Variants in ULK2 observed in about 807,000 individuals in gnomAD.
The protein encoded by ULK2 is unc-51 like autophagy activating kinase 2.
Under a neutral mutation model 127.5 loss-of-function variants are expected in ULK2, and 76 were observed. The ratio of observed to expected loss-of-function variants is 0.60; its 90% CI spans 0.50 to 0.72. The LOEUF (loss-of-function observed/expected upper bound fraction) is 0.72, where lower values mean the gene tolerates loss of function less well. Among genes scored for constraint, ULK2 ranks in the 30% least tolerant of loss-of-function variants. The pLI, the probability that ULK2 is intolerant of heterozygous loss-of-function variation, is 0.00. For missense variants in ULK2, 1,144 were observed against 1,295.9 expected (o/e 0.88, Z 1.80); for synonymous variants, 452 against 461.9 (o/e 0.98, Z 0.28).
At chr17:19,863,678 G>A (rs3101810) in intron 3 of ULK2, among the ~76,000 whole-genome samples, 10,765 of 151,788 alleles carry the variant, frequency 0.071, 773 homozygotes, top group East Asian at 0.39. Flanking sequence ...TCTTGCATTT[G>A]AAGGATTTTT....
intron 20 of ULK2, among the ~76,000 whole-genome samples, chr17:19,791,482 C>A (rs1164752604): frequency 6.6e-6 from 1 of 152,054 alleles, no homozygotes; most frequent in Non-Finnish European, 1.5e-5. Context: ...GCCAGGAGTT[C>A]CAGACCAGCC....
At chr17:19,865,390 C>G (rs954431136) in intron 2 of ULK2, among the ~76,000 whole-genome samples, 2 of 152,168 alleles carry the variant, frequency 1.3e-5, no homozygotes, top group Admixed American at 6.6e-5. Flanking sequence ...ACCCCTACTC[C>G]CCCCAAAAAA....
chr17:19,819,450 A>C (rs1460031828), intron 12 of ULK2, among the ~76,000 whole-genome samples: 1 of 152,140 alleles, frequency 6.6e-6, no homozygotes, highest in Non-Finnish European at 1.5e-5. Flanking sequence ...AGAGTTCCCC[A>C]TGAGCCACCC....
intron 3 of ULK2, chr17:19,855,788 G>C (rs1274211618): frequency 1.3e-5 from 2 of 152,210 alleles, no homozygotes; most frequent in Non-Finnish European, 2.9e-5. Context: ...TCACTAATCT[G>C]TCCAGGCCTC....
At chr17:19,853,955 C>A (rs990578046) in intron 3 of ULK2, among the ~76,000 whole-genome samples, 3 of 152,114 alleles carry the variant, frequency 2.0e-5, no homozygotes, top group Non-Finnish European at 2.9e-5. Context: ...TGATTGACAC[C>A]ACAGCAAATC....
chr17:19,800,244 C>T (rs1463560623), intron 16 of ULK2, among the ~76,000 whole-genome samples: 1 of 152,174 alleles, frequency 6.6e-6, no homozygotes. Flanking sequence ...AGAAGTTTCC[C>T]CAAGTCACTC....
intron 14 of ULK2, among the ~76,000 whole-genome samples, chr17:19,809,577 C>T (rs1407213584): frequency 1.3e-5 from 2 of 151,286 alleles, no homozygotes; most frequent in Non-Finnish European, 3.0e-5. Flanking sequence ...ACTAAAGATA[C>T]AAAAAATTAG....
intron 3 of ULK2, among the ~76,000 whole-genome samples, chr17:19,864,054 C>T (rs2042301818): frequency 6.6e-6 from 1 of 152,132 alleles, no homozygotes; most frequent in African/African-American, 2.4e-5. Flanking sequence ...CATCTGTAAT[C>T]CCAGCACTTT....
At position 19,867,928 on chromosome 17, in the gene ULK2, C is replaced by A. The variant is rs2042392887; in HGVS notation, c.-511G>T. 6.6e-6 allele frequency: 1 copy of A among 151,700 alleles called. No individual in the cohort carries two copies. Among genetic ancestry groups the A allele is most frequent in the Admixed American group, 6.6e-5 (1 of 15,236 alleles). The allele number at this position is 151,700 out of a possible 1,614,324, so 9.4% of individuals were successfully genotyped here. On this transcript the variant is annotated 5_prime_UTR_variant, in exon 1 of 27. Transcript: ENST00000395544. ...CGCCCTCGCGCGCGCTACCCGCTCC[C>A]GCGCGACTGGCTGCCCTCCGCGACG...
intron 10 of ULK2, among the ~76,000 whole-genome samples, chr17:19,829,244 C>T (rs1482641751): frequency 6.6e-6 from 1 of 151,896 alleles, no homozygotes; most frequent in Admixed American, 6.6e-5. Context: ...ACAAAAAGTA[C>T]GTTAAATAAG....
intron 10 of ULK2, among the ~76,000 whole-genome samples, chr17:19,827,836 G>T (rs1212044214): frequency 1.3e-5 from 2 of 151,962 alleles, no homozygotes. Flanking sequence ...CTTGAACCCG[G>T]AAGGTGGAGG....
chr17:19,776,368 T>C lies in ULK2; in HGVS notation c.3092A>G (p.His1031Arg), dbSNP rs770341517. 3.7e-6 allele frequency: 6 copies of C among 1,606,240 alleles called. No individual in the cohort carries two copies. Among genetic ancestry groups the C allele is most frequent in the Non-Finnish European group, 5.1e-6 (6 of 1,176,614 alleles). Residue 1031 changes from histidine (H) to arginine (R), a missense_variant, in exon 27 of 27, where the codon CAT becomes CGT. Transcript: ENST00000395544. ...SIERRLSALC[H>R]STATV ...TGCTGCTCACACGGTTGCGGTGCTA[T>C]GGCAGAGCGCCGACAGTCTTCTCTC... is the stretch of plus-strand genomic sequence containing the variant.
intron 17 of ULK2, among the ~76,000 whole-genome samples, chr17:19,798,931 G>A (rs940705138): frequency 2.0e-5 from 3 of 152,046 alleles, no homozygotes; most frequent in African/African-American, 4.8e-5. Flanking sequence ...GGGAGGCCGA[G>A]GCGGGTGTAT....
chr17:19,867,442 G>T lies in ULK2; in HGVS notation c.-25C>A. The T allele has an allele frequency of 6.3e-7, 1 of 1,579,230 alleles. No individual in the cohort carries two copies. Among genetic ancestry groups the T allele is most frequent in the Non-Finnish European group, 8.6e-7 (1 of 1,164,372 alleles). ...TGGCCGCGCCCCCGGGGCACACAGC[G>T]GACGGGCGGGCGGCGCAGTGCGGCG... On this transcript the variant is annotated 5_prime_UTR_variant, in exon 1 of 27. Transcript: ENST00000395544.
intron 20 of ULK2, among the ~76,000 whole-genome samples, chr17:19,789,401 T>C (rs1409952290): frequency 6.6e-6 from 1 of 152,188 alleles, no homozygotes; most frequent in Non-Finnish European, 1.5e-5. Context: ...TCCCGTCAAA[T>C]ACCTGGAAAG....
chr17:19,801,668 G>A (rs2087401644), intron 16 of ULK2, 109 bp downstream of exon 16: 1 of 1,457,080 alleles, frequency 6.9e-7, no homozygotes, highest in East Asian at 2.3e-5. Flanking sequence ...CCTCCAATCA[G>A]CTGAGAATCA....
At chr17:19,803,302 A>C (rs776480941) in intron 15 of ULK2, among the ~76,000 whole-genome samples, 50 of 152,308 alleles carry the variant, frequency 3.3e-4, no homozygotes, top group Non-Finnish European at 5.9e-4. Context: ...AGATTTTTTC[A>C]AAGAAAAATA....
intron 13 of ULK2, among the ~76,000 whole-genome samples, chr17:19,814,434 A>T (rs1316283346): frequency 0.11 from 1,775 of 16,630 alleles, 35 homozygotes; most frequent in African/African-American, 0.12. Flanking sequence ...ATATATATAT[A>T]TATATTTTTT....
At chr17:19,857,830 T>C (rs575783535) in intron 3 of ULK2, among the ~76,000 whole-genome samples, 1 of 152,304 alleles carries the variant, frequency 6.6e-6, no homozygotes, top group Admixed American at 6.5e-5. Context: ...CACTATGCTC[T>C]CGCTCTCATT....
Sources: gnomAD v4.1 joint callset for allele counts (sites outside exome capture counted in the v4.1 genomes callset) on GRCh38, gnomAD v4.1.1 for gene constraint, MANE v1.5 for transcripts, NCBI Gene and HGNC (gene_info 2026-07-23, HGNC 2026-07-21) for gene names.